Variants in DOCK1 observed in about 807,000 individuals in gnomAD.
The protein encoded by DOCK1 is dedicator of cytokinesis protein 1.
DOCK1 carries 138 observed loss-of-function variants against 262.7 expected under a neutral mutation model. That is an observed-to-expected ratio of 0.53 (90% CI 0.46 to 0.61). DOCK1 has a LOEUF of 0.61. Among genes scored for constraint, DOCK1 ranks in the 20% least tolerant of loss-of-function variants. The probability of loss-of-function intolerance (pLI) is 0.00; values close to 1 mark genes in which losing one functional copy is unlikely to be tolerated. For synonymous variants in DOCK1, 866 were observed against 867.4 expected, an observed-to-expected ratio of 1.00 and a Z score of 0.03; for missense variants, 1,908 against 2,370.7, an observed-to-expected ratio of 0.80 and a Z score of 4.05.
chr10:127,035,185 T>C (rs2043511973), intron 18 of DOCK1, among the ~76,000 whole-genome samples: 1 of 152,208 alleles, frequency 6.6e-6, no homozygotes, highest in African/African-American at 2.4e-5. Flanking sequence ...CACATTCTCA[T>C]TTGAGGGAAT....
At chr10:127,312,768 C>T (rs1395847446) in intron 29 of DOCK1, among the ~76,000 whole-genome samples, 1 of 151,728 alleles carries the variant, frequency 6.6e-6, no homozygotes, top group Non-Finnish European at 1.5e-5. Flanking sequence ...CACCCCCATC[C>T]TCCTGGCAGC....
intron 32 of DOCK1, 125 bp downstream of exon 32, chr10:127,354,852 T>A: frequency 9.0e-7 from 1 of 1,112,256 alleles, no homozygotes; most frequent in Non-Finnish European, 1.3e-6. Context: ...TGGACAGCAG[T>A]TGCTACTCTT....
intron 23 of DOCK1, among the ~76,000 whole-genome samples, chr10:127,084,372 C>T (rs2047076997): frequency 6.6e-6 from 1 of 152,204 alleles, no homozygotes; most frequent in African/African-American, 2.4e-5. Context: ...CTCATTCAAT[C>T]TAAGCATGTT....
At chr10:127,366,516 C>T (rs1032650448) in intron 33 of DOCK1, among the ~76,000 whole-genome samples, 1 of 152,158 alleles carries the variant, frequency 6.6e-6, no homozygotes, top group Non-Finnish European at 1.5e-5. Context: ...CCGTCCTCTG[C>T]GCAATCACCA....
At chr10:127,264,938 G>C (rs1417879361) in intron 29 of DOCK1, among the ~76,000 whole-genome samples, 1 of 152,140 alleles carries the variant, frequency 6.6e-6, no homozygotes, top group African/African-American at 2.4e-5. Context: ...CAAAGTGCTG[G>C]GATTACAGGC....
In DOCK1 at chr10:127,233,552, C is replaced by A. The variant is rs186856750; in HGVS notation, c.2848-14456C>A. Among the ~76,000 whole-genome samples, 906 of 152,240 alleles carry A rather than the reference C, an allele frequency of 6.0e-3. 12 individuals are homozygous for A. Among genetic ancestry groups the A allele is most frequent in the African/African-American group, 0.02 (842 of 41,536 alleles). ...TAACTTACTCCAGGTACCAGATGGT[C>A]TTATTAAGATACTAATTAATGTCAA... On this transcript the variant is annotated intron_variant, in intron 27 of 51. Transcript: ENST00000623213.
At chr10:127,052,613 C>T (rs940766895) in intron 21 of DOCK1, 68 bp from the exon 22 acceptor site, 13 of 1,606,432 alleles carry the variant, frequency 8.1e-6, no homozygotes, top group Non-Finnish European at 1.1e-5. Context: ...TGTATATTTC[C>T]TTAGCAGTTA....
rs769279030 is a variant in DOCK1 at position 127,404,377 on chromosome 10, C to T, written c.4070C>T (p.Pro1357Leu). 6.2e-7 allele frequency: 1 copy of T among 1,613,942 alleles called. No individual in the cohort carries two copies. Among genetic ancestry groups the T allele is most frequent in the Non-Finnish European group, 8.5e-7 (1 of 1,179,864 alleles). Residue 1357 changes from proline to leucine, a missense_variant, in exon 40 of 52, where the codon CCT becomes CTT. Physicochemically the swap from Pro to Leu is moderately conservative, Grantham distance 98 (BLOSUM62 -3). This residue lies in a region of DOCK1 where 267 missense variants were observed against 366.3 expected (regional missense o/e 0.73). Transcript: ENST00000623213. ...ENIVKVIRPK[P>L]DYFAVGYYGQ... ...ATCGTCAAAGTGATCAGGCCCAAGC[C>T]TGACTATTTTGCTGTTGGCTACTAC... is the stretch of plus-strand genomic sequence containing the variant.
At chr10:127,367,329 T>A (rs1004238333) in intron 33 of DOCK1, among the ~76,000 whole-genome samples, 1 of 152,130 alleles carries the variant, frequency 6.6e-6, no homozygotes, top group African/African-American at 2.4e-5. Context: ...TCCTTCGGAA[T>A]AGGCTCAGCC....
chr10:126,990,723 A>G, intron 6 of DOCK1, 120 bp downstream of exon 6: 2 of 1,250,386 alleles, frequency 1.6e-6, no homozygotes, highest in African/African-American at 1.5e-5. Context: ...CATCAAAGTA[A>G]TGGCATGTTT....
In DOCK1 at chr10:127,201,047, C is replaced by T. The variant is rs114926325; in HGVS notation, c.2848-46961C>T. On this transcript the variant is annotated intron_variant, in intron 27 of 51. Transcript: ENST00000623213. The stretch of plus-strand genomic sequence containing the variant: ...CAGATCAGCCAGTGCTCAACGCCTA[C>T]GAGGGAAAAGTAACTCATATCGCCT... Among the ~76,000 whole-genome samples, 388 of 152,336 alleles carry T rather than the reference C, an allele frequency of 2.5e-3. 2 individuals are homozygous for T. The highest frequency in any genetic ancestry group is 8.9e-3 in the African/African-American group (370 of 41,566).
At chr10:127,340,433 C>T (rs2063380026) in intron 30 of DOCK1, among the ~76,000 whole-genome samples, 1 of 152,088 alleles carries the variant, frequency 6.6e-6, no homozygotes, top group Admixed American at 6.6e-5. Flanking sequence ...GGATCATACC[C>T]TGTGTTTTTC....
intron 27 of DOCK1, chr10:127,153,752 A>G (rs2052741963): frequency 2.2e-6 from 2 of 906,744 alleles, no homozygotes. Flanking sequence ...TTTGTCTGAT[A>G]GAATCATCCC....
intron 26 of DOCK1, among the ~76,000 whole-genome samples, chr10:127,126,799 C>T (rs867068071): frequency 1.3e-5 from 2 of 152,122 alleles, no homozygotes; most frequent in Admixed American, 6.5e-5. Context: ...CCGTTTCCTG[C>T]ATGACCTTGA....
intron 21 of DOCK1, among the ~76,000 whole-genome samples, chr10:127,043,602 C>A (rs751340396): frequency 6.6e-6 from 1 of 152,162 alleles, no homozygotes; most frequent in African/African-American, 2.4e-5. Context: ...TAAAGAGCAC[C>A]TTCCCTTTTC....
chr10:126,951,802 A>T (rs2036272801), intron 1 of DOCK1, among the ~76,000 whole-genome samples: 3 of 151,824 alleles, frequency 2.0e-5, no homozygotes, highest in Admixed American at 6.6e-5. Flanking sequence ...CTTCATTTAC[A>T]TTGGGTGTAC....
At chr10:126,976,503 C>G (rs985082881) in intron 2 of DOCK1, among the ~76,000 whole-genome samples, 1 of 152,156 alleles carries the variant, frequency 6.6e-6, no homozygotes, top group Non-Finnish European at 1.5e-5. Context: ...CCTTTTCATC[C>G]CTGGTTGTGA....
intron 4 of DOCK1, among the ~76,000 whole-genome samples, chr10:126,982,709 G>T (rs2039072721): frequency 1.3e-5 from 2 of 152,188 alleles, no homozygotes; most frequent in South Asian, 4.1e-4. Flanking sequence ...AACCGTTCGG[G>T]TTCCATAGTT....
intron 23 of DOCK1, among the ~76,000 whole-genome samples, chr10:127,085,929 G>A (rs914910253): frequency 1.3e-5 from 2 of 152,108 alleles, no homozygotes; most frequent in South Asian, 4.2e-4. Flanking sequence ...CTGCACACAG[G>A]CATTTGGGAG....
Sources: allele counts gnomAD v4.1 joint callset (sites outside exome capture counted in the v4.1 genomes callset), GRCh38; gene constraint gnomAD v4.1.1; regional missense constraint gnomAD v4.1.1; transcripts MANE v1.5; gene names NCBI Gene and HGNC (gene_info 2026-07-23, HGNC 2026-07-21).